DOCK4: variants seen among roughly 807,000 people sequenced by gnomAD.
DOCK4 encodes the protein dedicator of cytokinesis protein 4.
In DOCK4, 97 loss-of-function variants were observed where a neutral mutation model predicts 268.1. The observed-to-expected ratio is 0.36, with a 90% CI of 0.31 to 0.43. DOCK4 has a LOEUF of 0.43. DOCK4 is among the 20% of genes least tolerant of loss of function. The probability of loss-of-function intolerance (pLI) is 1.00; values close to 1 mark genes in which losing one functional copy is unlikely to be tolerated. For missense variants in DOCK4, 2,145 were observed against 2,455.7 expected (o/e 0.87, Z 2.67); for synonymous variants, 954 against 887.2 (o/e 1.08, Z -1.34).
At chr7:112,064,462 C>A (rs929366495) in intron 1 of DOCK4, among the ~76,000 whole-genome samples, 7 of 152,162 alleles carry the variant, frequency 4.6e-5, no homozygotes, top group Non-Finnish European at 7.4e-5. Context: ...TAAGCCAGCT[C>A]CATATCACTT....
intron 7 of DOCK4, among the ~76,000 whole-genome samples, chr7:111,977,831 T>C (rs940566367): frequency 2.0e-5 from 3 of 152,196 alleles, no homozygotes; most frequent in Non-Finnish European, 2.9e-5. Context: ...CAAATAATAG[T>C]TTCTAACTTG....
intron 14 of DOCK4, 135 bp from the exon 15 acceptor site, chr7:111,900,671 G>T (rs1011552028): frequency 2.2e-6 from 2 of 901,694 alleles, no homozygotes; most frequent in Admixed American, 2.8e-5. Flanking sequence ...CCTTTGCCGT[G>T]TGTTTCTGTA....
intron 1 of DOCK4, among the ~76,000 whole-genome samples, chr7:112,094,956 C>T (rs1429701100): frequency 6.6e-6 from 1 of 152,224 alleles, no homozygotes; most frequent in Non-Finnish European, 1.5e-5. Flanking sequence ...CAGCACCATG[C>T]TTCCTGTACT....
chr7:112,166,380 C>A (rs1352573727), intron 1 of DOCK4, among the ~76,000 whole-genome samples: 2 of 152,174 alleles, frequency 1.3e-5, no homozygotes, highest in East Asian at 3.9e-4. Context: ...ACCCTCACTA[C>A]AATCTATGCC....
In DOCK4 at chr7:111,792,859, A is replaced by G. The variant is rs73434230; in HGVS notation, c.3167-2254T>C. Among the ~76,000 whole-genome samples the G allele has an allele frequency of 2.5e-3, 384 of 152,256 alleles. 3 individuals carry two copies. The highest frequency in any genetic ancestry group is 8.8e-3 in the African/African-American group (364 of 41,562). On this transcript the variant is annotated intron_variant, in intron 30 of 52. Coordinates refer to ENST00000428084, the MANE Select transcript of DOCK4 (RefSeq NM_001363540.2). The stretch of plus-strand genomic sequence containing the variant: ...GAAGGTGGGCCCCCATCTCTGGATA[A>G]TCGCCTTATTTTCAGTGCTATGAGG...
chr7:111,816,992 T>A (rs558706254), intron 27 of DOCK4, among the ~76,000 whole-genome samples: 7 of 152,046 alleles, frequency 4.6e-5, no homozygotes, highest in Non-Finnish European at 7.4e-5. Flanking sequence ...TTACACAGAG[T>A]GACTCTGAAA....
chr7:112,057,041 A>C (rs1321056727), intron 1 of DOCK4, among the ~76,000 whole-genome samples: 3 of 152,208 alleles, frequency 2.0e-5, no homozygotes, highest in East Asian at 1.9e-4. Flanking sequence ...ATAAATTATA[A>C]CAATGAGACA....
At chr7:111,991,007 A>G (rs1799478499) in intron 5 of DOCK4, among the ~76,000 whole-genome samples, 1 of 152,214 alleles carries the variant, frequency 6.6e-6, no homozygotes. Context: ...TATATAAGCA[A>G]GTTATTAAAC....
chr7:111,992,678 C>T (rs1799630201), intron 5 of DOCK4, among the ~76,000 whole-genome samples: 1 of 152,130 alleles, frequency 6.6e-6, no homozygotes. Context: ...AGGCAGAATC[C>T]AGAGGAAATT....
rs573885819 is a variant in DOCK4, at chr7:112,156,791, A to T, written c.37+49311T>A. ...AAATTATTCACTATATATTCAAGGT[A>T]GTTTTATTTACAAAGAAAGAAAATG... is the stretch of plus-strand genomic sequence containing the variant. On this transcript the variant is annotated intron_variant, in intron 1 of 52. Transcript: ENST00000428084. 2.6e-5 allele frequency among the ~76,000 whole-genome samples: 4 copies of T among 152,300 alleles called. No homozygotes were observed. The South Asian group carries it at 8.3e-4, about 32-fold the overall frequency.
intron 26 of DOCK4, among the ~76,000 whole-genome samples, chr7:111,833,335 A>G (rs1002820821): frequency 1.3e-5 from 2 of 152,086 alleles, no homozygotes; most frequent in African/African-American, 4.8e-5. Flanking sequence ...TTAGGCCAGG[A>G]GTTTGAGACC....
chr7:112,056,927 CTATA>C (rs889609995), intron 1 of DOCK4, among the ~76,000 whole-genome samples: 1 of 151,928 alleles, frequency 6.6e-6, no homozygotes, highest in African/African-American at 2.4e-5. Context: ...TTAAACATAA[CTATA>C]TATTGTATAT....
chr7:111,980,143 T>G (rs1679177019), intron 7 of DOCK4, among the ~76,000 whole-genome samples: 1 of 152,170 alleles, frequency 6.6e-6, no homozygotes, highest in African/African-American at 2.4e-5. Context: ...TACATGCTAG[T>G]AATAAGCCTG....
At chr7:112,020,366 A>G (rs191527531) in intron 1 of DOCK4, among the ~76,000 whole-genome samples, 2 of 152,304 alleles carry the variant, frequency 1.3e-5, no homozygotes, top group Non-Finnish European at 2.9e-5. Flanking sequence ...TCACCTTCAC[A>G]CTATTCCCCA....
At chr7:111,731,041 T>G (rs1049499789) in intron 52 of DOCK4, among the ~76,000 whole-genome samples, 2 of 152,136 alleles carry the variant, frequency 1.3e-5, no homozygotes, top group Non-Finnish European at 2.9e-5. Context: ...AATGTAAAAG[T>G]GCGGAAAAGC....
chr7:111,885,602 C>T (rs561757452), intron 16 of DOCK4, among the ~76,000 whole-genome samples: 3 of 152,252 alleles, frequency 2.0e-5, no homozygotes, highest in African/African-American at 4.8e-5. Flanking sequence ...AATGTGACCC[C>T]GGCTTCTTGA....
At chr7:112,012,305 G>GA (rs1394591928) in intron 1 of DOCK4, among the ~76,000 whole-genome samples, 2 of 148,934 alleles carry the variant, frequency 1.3e-5, no homozygotes, top group Middle Eastern at 3.2e-3. Context: ...ACCTCAAGAG[G>GA]AAAAAAAGCT....
intron 26 of DOCK4, among the ~76,000 whole-genome samples, chr7:111,830,691 G>A (rs931269835): frequency 1.3e-5 from 2 of 151,898 alleles, no homozygotes; most frequent in Non-Finnish European, 2.9e-5. Context: ...ATTTAAACAT[G>A]CTTAAGTCTC....
At chr7:112,023,540 T>C (rs556385071) in intron 1 of DOCK4, 2 of 400,198 alleles carry the variant, frequency 5.0e-6, no homozygotes, top group African/African-American at 2.1e-5. Flanking sequence ...TTAGATGACA[T>C]CATGCCTTCC....
Sources: gnomAD v4.1 joint callset for allele counts (sites outside exome capture counted in the v4.1 genomes callset) on GRCh38, gnomAD v4.1.1 for gene constraint, MANE v1.5 for transcripts, NCBI Gene and HGNC (gene_info 2026-07-23, HGNC 2026-07-21) for gene names.